Variants in SMAP1 observed in about 807,000 individuals in gnomAD.
The protein encoded by SMAP1 is stromal membrane-associated protein 1.
In SMAP1, 24 loss-of-function variants were observed where a neutral mutation model predicts 58.5. The observed-to-expected ratio is 0.41, with a 90% CI of 0.30 to 0.58. SMAP1 has a LOEUF of 0.58. SMAP1 is among the 20% of genes least tolerant of loss of function. The pLI is 0.29. For missense variants in SMAP1, 563 were observed against 566.3 expected, an observed-to-expected ratio of 0.99 and a Z score of 0.06; for synonymous variants, 216 against 196.6, an observed-to-expected ratio of 1.10 and a Z score of -0.82.
chr6:70,837,073 T>C, intron 7 of SMAP1, 45 bp downstream of exon 7: 3 of 1,394,818 alleles, frequency 2.2e-6, no homozygotes, highest in South Asian at 1.4e-5. Context: ...TACAAAACAA[T>C]TGAAACCTTT....
chr6:70,733,259 C>T (rs192571789), intron 2 of SMAP1, among the ~76,000 whole-genome samples: 93 of 151,968 alleles, frequency 6.1e-4, no homozygotes, highest in Non-Finnish European at 1.2e-3. Flanking sequence ...GAATCTTAAC[C>T]CAATAGTTTA....
chr6:70,823,351 C>G (rs111640708), intron 6 of SMAP1, among the ~76,000 whole-genome samples: 4,616 of 152,238 alleles, frequency 0.03, 260 homozygotes, highest in African/African-American at 0.11. Context: ...ACAAGTGCCT[C>G]TATCCTGCAC....
intron 6 of SMAP1, among the ~76,000 whole-genome samples, chr6:70,817,213 GA>G (rs1769676418): frequency 1.3e-5 from 2 of 151,374 alleles, no homozygotes; most frequent in Admixed American, 6.6e-5. Context: ...CTACTGAATA[GA>G]TATTAGTTCA....
chr6:70,770,612 G>T (rs1767242320), intron 3 of SMAP1, among the ~76,000 whole-genome samples: 1 of 152,000 alleles, frequency 6.6e-6, no homozygotes, highest in South Asian at 2.1e-4. Flanking sequence ...ACTCCTTTAA[G>T]CCCTTCTCTA....
At chr6:70,749,575 A>G (rs1234868492) in intron 2 of SMAP1, among the ~76,000 whole-genome samples, 4 of 151,652 alleles carry the variant, frequency 2.6e-5, no homozygotes, top group Non-Finnish European at 5.9e-5. Context: ...CTGCTTCTCT[A>G]TTTTTCCCCC....
chr6:70,729,568 A>G (rs1765344380), intron 1 of SMAP1, among the ~76,000 whole-genome samples: 1 of 150,696 alleles, frequency 6.6e-6, no homozygotes, highest in Non-Finnish European at 1.5e-5. Flanking sequence ...ATCTTGGTGT[A>G]TCACTATCAT....
intron 3 of SMAP1, among the ~76,000 whole-genome samples, chr6:70,758,203 C>A (rs113531181): frequency 0.045 from 6,810 of 150,828 alleles, 173 homozygotes; most frequent in South Asian, 0.064. Flanking sequence ...AAAAATGATG[C>A]GTTCATGTCC....
chr6:70,829,327 G>C (rs1303478523), intron 6 of SMAP1, among the ~76,000 whole-genome samples: 1 of 151,060 alleles, frequency 6.6e-6, no homozygotes, highest in Non-Finnish European at 1.5e-5. Context: ...TGTCCAGCCT[G>C]TTCTCCAACT....
chr6:70,725,017 G>T (rs1007307035), intron 1 of SMAP1, among the ~76,000 whole-genome samples: 1 of 145,062 alleles, frequency 6.9e-6, no homozygotes, highest in Non-Finnish European at 1.5e-5. Context: ...TTTAAATATG[G>T]TAGTGTCTGA....
intron 3 of SMAP1, among the ~76,000 whole-genome samples, chr6:70,762,230 G>GGC (rs1766780726): frequency 6.6e-6 from 1 of 152,212 alleles, no homozygotes; most frequent in South Asian, 2.1e-4. Context: ...AGTAACTACA[G>GGC]GCCCATGAGC....
At position 70,758,976 on chromosome 6, in the gene SMAP1, G is replaced by A. The variant is rs1304165344; in HGVS notation, c.338+3911G>A. 2.6e-5 allele frequency among the ~76,000 whole-genome samples: 4 copies of A among 152,174 alleles called. No homozygotes were observed. The South Asian group carries it at 8.3e-4, about 32-fold the overall frequency. On this transcript the variant is annotated intron_variant, in intron 3 of 10. Transcript: ENST00000370455. The stretch of plus-strand genomic sequence containing the variant: ...ATGGAGTTACCCCATTTGGTGGCTG[G>A]AAACATGAGTCTGGACCCTAGAAGA...
At chr6:70,752,888 A>G (rs529674741) in intron 2 of SMAP1, among the ~76,000 whole-genome samples, 1 of 152,232 alleles carries the variant, frequency 6.6e-6, no homozygotes, top group South Asian at 2.1e-4. Context: ...ACATCCATGC[A>G]CTTTTACGCA....
chr6:70,835,247 G>C (rs540166871), intron 6 of SMAP1, among the ~76,000 whole-genome samples: 1 of 106,746 alleles, frequency 9.4e-6, no homozygotes, highest in East Asian at 3.1e-4. Context: ...GCGAGACTCC[G>C]TCTCAAAAAA....
At chr6:70,804,836 C>G (rs754990892) in intron 6 of SMAP1, among the ~76,000 whole-genome samples, 2 of 152,022 alleles carry the variant, frequency 1.3e-5, no homozygotes, top group African/African-American at 2.4e-5. Flanking sequence ...CCACTCTCTT[C>G]TGGCCTATAG....
chr6:70,819,820 A>G (rs1480937467), intron 6 of SMAP1, among the ~76,000 whole-genome samples: 1 of 152,250 alleles, frequency 6.6e-6, no homozygotes, highest in Non-Finnish European at 1.5e-5. Context: ...AGAAGAGTAC[A>G]TTCTTCTGAA....
At chr6:70,852,215 T>C (rs949581384) in intron 7 of SMAP1, among the ~76,000 whole-genome samples, 14 of 152,096 alleles carry the variant, frequency 9.2e-5, no homozygotes, top group Non-Finnish European at 2.9e-5. Flanking sequence ...GTGCCTGGCA[T>C]ATAGGAAGCA....
intron 3 of SMAP1, among the ~76,000 whole-genome samples, chr6:70,771,980 A>G (rs1767343505): frequency 6.6e-6 from 1 of 152,320 alleles, no homozygotes; most frequent in East Asian, 1.9e-4. Flanking sequence ...TGCCCAGGGC[A>G]CAAGGTGGGA....
chr6:70,680,249 G>T (rs1166452533), intron 1 of SMAP1, among the ~76,000 whole-genome samples: 3 of 152,146 alleles, frequency 2.0e-5, no homozygotes, highest in South Asian at 2.1e-4. Flanking sequence ...AAGAAAACAT[G>T]GGGGAAAATC....
intron 1 of SMAP1, among the ~76,000 whole-genome samples, chr6:70,682,747 A>G (rs1766771687): frequency 6.6e-6 from 1 of 152,202 alleles, no homozygotes; most frequent in Non-Finnish European, 1.5e-5. Context: ...TACTATCTAA[A>G]GAATGGCTAG....
Sources: gnomAD v4.1 joint callset for allele counts (sites outside exome capture counted in the v4.1 genomes callset) on GRCh38, gnomAD v4.1.1 for gene constraint, MANE v1.5 for transcripts, NCBI Gene and HGNC (gene_info 2026-07-23, HGNC 2026-07-21) for gene names.